The following HDAC9 variants were observed in gnomAD, a reference collection of about 807,000 sequenced individuals.
HDAC9 encodes the protein histone deacetylase 9.
A neutral mutation model predicts 139.4 loss-of-function variants in HDAC9; 41 were observed. That is an observed-to-expected ratio of 0.29 (90% CI 0.23 to 0.38). HDAC9 has a LOEUF of 0.38. Among genes scored for constraint, HDAC9 ranks in the 10% least tolerant of loss-of-function variants. HDAC9 has a pLI of 1.00. For synonymous variants in HDAC9, 517 were observed against 476.2 expected, an observed-to-expected ratio of 1.09 and a Z score of -1.12; for missense variants, 1,147 against 1,297.0, an observed-to-expected ratio of 0.88 and a Z score of 1.78.
intron 6 of HDAC9, among the ~76,000 whole-genome samples, chr7:18,595,997 C>T (rs1832374430): frequency 1.3e-5 from 2 of 151,902 alleles, no homozygotes; most frequent in African/African-American, 4.8e-5. Context: ...ATGTTACAAA[C>T]CCTATTTAGA....
chr7:18,236,109 G>C (rs1793796018), intron 2 of HDAC9, among the ~76,000 whole-genome samples: 1 of 152,178 alleles, frequency 6.6e-6, no homozygotes, highest in Non-Finnish European at 1.5e-5. Flanking sequence ...TCAGAGACTG[G>C]AAAAAGACCA....
chr7:18,885,735 C>T (rs896130599), intron 22 of HDAC9, among the ~76,000 whole-genome samples: 12 of 152,006 alleles, frequency 7.9e-5, no homozygotes, highest in South Asian at 4.1e-4. Flanking sequence ...AAATATTTTT[C>T]GAAAAGAAAA....
intron 13 of HDAC9, among the ~76,000 whole-genome samples, chr7:18,737,678 A>G (rs1298239558): frequency 2.0e-5 from 3 of 152,152 alleles, no homozygotes; most frequent in African/African-American, 7.2e-5. Context: ...TTTATTCCCT[A>G]TGATGTGGTC....
intron 17 of HDAC9, among the ~76,000 whole-genome samples, chr7:18,795,467 A>G (rs762862085): frequency 3.2e-4 from 48 of 152,168 alleles, no homozygotes; most frequent in Non-Finnish European, 5.6e-4. Context: ...TTTGCAAATG[A>G]AAAGTGGATA....
intron 1 of HDAC9, among the ~76,000 whole-genome samples, chr7:18,149,786 C>T (rs1451312497): frequency 1.3e-5 from 2 of 152,066 alleles, no homozygotes; most frequent in Non-Finnish European, 2.9e-5. Context: ...GATCTCCTGA[C>T]CTTGTGATCT....
chr7:18,505,774 A>G lies in HDAC9; in HGVS notation c.22+9450A>G, dbSNP rs181221685. The G allele has an allele frequency of 3.9e-5, 6 of 152,342 alleles. No individual in the cohort carries two copies. The East Asian group carries it at 1.2e-3, about 29-fold the overall frequency. 9.4% of individuals were successfully genotyped at this position (152,342 alleles called of 1,614,324 possible). A position where few individuals can be genotyped will look rare whatever the true frequency, so the allele number is the denominator to read the frequency against. Reference sequence around the variant, plus strand: ...CCATCTTCAGGAATCAATACATTGTAAAAGCATTATTGATTATCACGTTAA... The same window carrying G: ...CCATCTTCAGGAATCAATACATTGTGAAAGCATTATTGATTATCACGTTAA... On this transcript the variant is annotated intron_variant, in intron 2 of 25. Transcript: ENST00000686413.
At chr7:18,807,700 A>G (rs942934623) in intron 17 of HDAC9, among the ~76,000 whole-genome samples, 2 of 152,050 alleles carry the variant, frequency 1.3e-5, no homozygotes, top group Non-Finnish European at 2.9e-5. Context: ...TCCCAGAAAT[A>G]TGTTGCTTAA....
intron 2 of HDAC9, among the ~76,000 whole-genome samples, chr7:18,262,188 G>A (rs1036326984): frequency 6.6e-6 from 1 of 152,156 alleles, no homozygotes; most frequent in Non-Finnish European, 1.5e-5. Context: ...TTTAAACATA[G>A]GGGAGTAAGG....
chr7:18,263,090 T>C (rs1277684165), intron 2 of HDAC9, among the ~76,000 whole-genome samples: 2 of 152,170 alleles, frequency 1.3e-5, no homozygotes, highest in Non-Finnish European at 2.9e-5. Flanking sequence ...TATTATCTAT[T>C]TGTATTCTCT....
Position 18,757,866 on chromosome 7 carries a change from C to T in HDAC9, c.2044-4291C>T, listed in dbSNP as rs150113633. On this transcript the variant is annotated intron_variant, in intron 14 of 25. Transcript: ENST00000686413. ...GGGCTCTCTTTCAGAAAGACTATTT[C>T]TTTAAGAAAGAACCATGGTGTGTTG... Among the ~76,000 whole-genome samples the T allele has an allele frequency of 5.5e-3, 837 of 152,182 alleles. 4 individuals carry two copies. Among genetic ancestry groups the T allele is most frequent in the Admixed American group, 8.4e-3 (128 of 15,274 alleles).
chr7:18,890,453 C>T (rs564157043), intron 22 of HDAC9, among the ~76,000 whole-genome samples: 15 of 152,320 alleles, frequency 9.8e-5, no homozygotes, highest in African/African-American at 3.6e-4. Flanking sequence ...CATAGGATGA[C>T]TCTCCCAGAC....
At chr7:18,202,131 A>G (rs1217282318) in intron 2 of HDAC9, among the ~76,000 whole-genome samples, 1 of 152,208 alleles carries the variant, frequency 6.6e-6, no homozygotes, top group African/African-American at 2.4e-5. Context: ...TCAGCCATCT[A>G]TAGGTGGATT....
chr7:19,001,132 T>C lies in HDAC9; in HGVS notation c.*5070T>C, dbSNP rs1255385864. On this transcript the variant is annotated 3_prime_UTR_variant, in exon 26 of 26. Coordinates refer to ENST00000686413, the MANE Select transcript of HDAC9 (RefSeq NM_178425.4). ...ACATAGTTTGCCATCATCTGGCTAC[T>C]ACCTAATCATGTTGTACTAGTTATT... 1 of 152,226 alleles carries C rather than the reference T, an allele frequency of 6.6e-6. No homozygotes were observed. Among genetic ancestry groups the C allele is most frequent in the Non-Finnish European group, 1.5e-5 (1 of 68,016 alleles). 9.4% of individuals were successfully genotyped at this position (152,226 alleles called of 1,614,324 possible). A position where few individuals can be genotyped will look rare whatever the true frequency, so the allele number is the denominator to read the frequency against.
intron 5 of HDAC9, among the ~76,000 whole-genome samples, chr7:18,593,685 A>C (rs2128838883): frequency 6.6e-6 from 1 of 152,240 alleles, no homozygotes; most frequent in African/African-American, 2.4e-5. Flanking sequence ...TTTCTATGTG[A>C]CTGTATGACC....
At chr7:18,739,102 C>T (rs61163574) in intron 13 of HDAC9, among the ~76,000 whole-genome samples, 2,218 of 152,286 alleles carry the variant, frequency 0.015, 54 homozygotes, top group African/African-American at 0.051. Flanking sequence ...CCATGGTTTT[C>T]AGCTCCATCA....
chr7:18,437,334 C>T (rs1791296272), intron 1 of HDAC9, among the ~76,000 whole-genome samples: 5 of 152,056 alleles, frequency 3.3e-5, no homozygotes. Flanking sequence ...AGAGGAACTT[C>T]AGCCAACCAA....
At chr7:18,948,259 AAAAT>A (rs1252601662) in intron 23 of HDAC9, among the ~76,000 whole-genome samples, 5 of 152,082 alleles carry the variant, frequency 3.3e-5, no homozygotes, top group African/African-American at 1.2e-4. Flanking sequence ...GTATTGGAGA[AAAAT>A]AAATAAATCT....
chr7:18,601,234 A>T (rs1234344174), intron 6 of HDAC9, among the ~76,000 whole-genome samples: 3 of 152,180 alleles, frequency 2.0e-5, no homozygotes, highest in Non-Finnish European at 4.4e-5. Flanking sequence ...GTATTGATGT[A>T]AATGTTACTG....
chr7:18,794,399 A>G (rs1792600443), intron 17 of HDAC9, among the ~76,000 whole-genome samples: 1 of 152,192 alleles, frequency 6.6e-6, no homozygotes. Flanking sequence ...TCCAGTTGTG[A>G]TTAAAAATGT....
Sources: allele counts gnomAD v4.1 joint callset (sites outside exome capture counted in the v4.1 genomes callset), GRCh38; gene constraint gnomAD v4.1.1; transcripts MANE v1.5; gene names NCBI Gene and HGNC (gene_info 2026-07-23, HGNC 2026-07-21).